Variants in PRKCA observed in about 807,000 individuals in gnomAD.
PRKCA encodes the protein protein kinase C alpha type.
A neutral mutation model predicts 87.0 loss-of-function variants in PRKCA; 27 were observed. That is an observed-to-expected ratio of 0.31 (90% CI 0.23 to 0.43). The LOEUF is 0.43. Among genes scored for constraint, PRKCA ranks in the 20% least tolerant of loss-of-function variants. The pLI is 1.00. For missense variants in PRKCA, 518 were observed against 852.3 expected (o/e 0.61, Z 4.88); for synonymous variants, 329 against 311.1 (o/e 1.06, Z -0.61).
intron 11 of PRKCA, 34 bp from the exon 12 acceptor site, chr17:66,741,625 A>C (rs1436696799): frequency 1.2e-6 from 2 of 1,610,192 alleles, no homozygotes; most frequent in African/African-American, 2.7e-5. Flanking sequence ...CTAAGGAAGC[A>C]AGTGAGAAAC....
At chr17:66,610,318 C>A (rs1970322000) in intron 3 of PRKCA, among the ~76,000 whole-genome samples, 1 of 152,186 alleles carries the variant, frequency 6.6e-6, no homozygotes, top group South Asian at 2.1e-4. Flanking sequence ...GACCCACCAT[C>A]AACAGAGCTT....
chr17:66,326,837 A>G (rs895423772), intron 2 of PRKCA, among the ~76,000 whole-genome samples: 1 of 152,202 alleles, frequency 6.6e-6, no homozygotes, highest in African/African-American at 2.4e-5. Context: ...TTGATAATCT[A>G]AAGTTTGATC....
At chr17:66,580,534 G>T (rs117123705) in intron 3 of PRKCA, among the ~76,000 whole-genome samples, 1 of 152,166 alleles carries the variant, frequency 6.6e-6, no homozygotes, top group Non-Finnish European at 1.5e-5. Context: ...AGGGTTCCAC[G>T]CATTCTTAGC....
intron 8 of PRKCA, among the ~76,000 whole-genome samples, chr17:66,719,132 A>ATAT (rs1973550440): frequency 6.6e-6 from 1 of 152,196 alleles, no homozygotes; most frequent in Admixed American, 6.5e-5. Context: ...GGATGCACAC[A>ATAT]TATTTAGACC....
rs1975952037 is a variant in PRKCA, at chr17:66,803,591, G to A, written c.1855-282G>A. On this transcript the variant is annotated intron_variant, in intron 16 of 16. Transcript: ENST00000413366. The surrounding 1 kb of genome is among the most constrained non-coding windows in gnomAD (Gnocchi z 4.4). ...CGCTTGCTCGGTGAGGTGGACGTGAGGGGACAGGGGCTGTCCCCTTGTTGC... is the reference window on the plus strand; with the variant it reads ...CGCTTGCTCGGTGAGGTGGACGTGAAGGGACAGGGGCTGTCCCCTTGTTGC... Among the ~76,000 whole-genome samples the A allele has an allele frequency of 6.6e-6, 1 of 152,186 alleles. No homozygotes were observed. Among genetic ancestry groups the A allele is most frequent in the Non-Finnish European group, 1.5e-5 (1 of 68,026 alleles).
intron 2 of PRKCA, among the ~76,000 whole-genome samples, chr17:66,432,579 A>T (rs1358399030): frequency 6.6e-6 from 1 of 152,156 alleles, no homozygotes; most frequent in Non-Finnish European, 1.5e-5. Flanking sequence ...TAGGGAGGTC[A>T]TGGGGCTTTT....
chr17:66,460,288 CTTACTA>C (rs541744569), intron 2 of PRKCA, among the ~76,000 whole-genome samples: 313 of 152,198 alleles, frequency 2.1e-3, no homozygotes, highest in African/African-American at 7.2e-3. Context: ...AGTCGTGGTT[CTTACTA>C]TTACTATATG....
intron 3 of PRKCA, among the ~76,000 whole-genome samples, chr17:66,522,087 G>C (rs1177782430): frequency 6.6e-6 from 1 of 152,158 alleles, no homozygotes; most frequent in South Asian, 2.1e-4. Context: ...ACAGAGACAG[G>C]GGTCTTTCTC....
intron 2 of PRKCA, among the ~76,000 whole-genome samples, chr17:66,458,272 A>G (rs1914663715): frequency 6.6e-6 from 1 of 152,204 alleles, no homozygotes; most frequent in African/African-American, 2.4e-5. Context: ...ATGTCAATTA[A>G]TCTGCTTTCT....
At chr17:66,702,118 T>G (rs1425631995) in intron 8 of PRKCA, among the ~76,000 whole-genome samples, 2 of 152,068 alleles carry the variant, frequency 1.3e-5, no homozygotes, top group Non-Finnish European at 2.9e-5. Context: ...CATATCTCAT[T>G]TATGTGTGTG....
At chr17:66,708,228 C>T (rs956763657) in intron 8 of PRKCA, among the ~76,000 whole-genome samples, 6 of 152,174 alleles carry the variant, frequency 3.9e-5, no homozygotes, top group African/African-American at 1.4e-4. Flanking sequence ...TAATTGAAAA[C>T]GAAGTGGTTA....
At chr17:66,708,102 G>A (rs1013549981) in intron 8 of PRKCA, among the ~76,000 whole-genome samples, 2 of 152,118 alleles carry the variant, frequency 1.3e-5, no homozygotes, top group African/African-American at 4.8e-5. Context: ...TAGGACTGTC[G>A]CCATGATGTA....
chr17:66,416,628 G>A (rs540735515), intron 2 of PRKCA: 2 of 152,294 alleles, frequency 1.3e-5, no homozygotes, highest in African/African-American at 4.8e-5. Flanking sequence ...AGTCTCAAGC[G>A]GGTGCTGTTG....
intron 3 of PRKCA, among the ~76,000 whole-genome samples, chr17:66,516,282 G>T (rs989060422): frequency 7.9e-5 from 12 of 152,070 alleles, no homozygotes; most frequent in Non-Finnish European, 1.5e-4. Flanking sequence ...GAGGATAGGG[G>T]ATCAGGTAAG....
chr17:66,781,868 G>GATATATATATATATAT (rs1201713784), intron 14 of PRKCA, among the ~76,000 whole-genome samples: 25 of 99,316 alleles, frequency 2.5e-4, no homozygotes, highest in African/African-American at 9.5e-4. Flanking sequence ...GAGAGAGAGA[G>GATATATATATATATAT]ATATATATAT....
At chr17:66,444,728 G>A (rs1238010842) in intron 2 of PRKCA, among the ~76,000 whole-genome samples, 1 of 152,186 alleles carries the variant, frequency 6.6e-6, no homozygotes, top group African/African-American at 2.4e-5. Context: ...TTGTCTGCCT[G>A]TGTAAGAGTT....
At chr17:66,359,103 A>C (rs1329252542) in intron 2 of PRKCA, among the ~76,000 whole-genome samples, 3 of 152,092 alleles carry the variant, frequency 2.0e-5, no homozygotes, top group Non-Finnish European at 4.4e-5. Context: ...TTATTTGAAA[A>C]TCTAGTGCAA....
chr17:66,570,585 A>T (rs1969050813), intron 3 of PRKCA, among the ~76,000 whole-genome samples: 1 of 152,182 alleles, frequency 6.6e-6, no homozygotes, highest in Non-Finnish European at 1.5e-5. Flanking sequence ...GTAGAGTGAG[A>T]TCGTGATATT....
chr17:66,627,027 A>T (rs900737863), intron 3 of PRKCA, among the ~76,000 whole-genome samples: 7 of 152,210 alleles, frequency 4.6e-5, no homozygotes, highest in African/African-American at 1.7e-4. Flanking sequence ...ATTAAGCTCT[A>T]AAGACTAGAC....
Sources: allele counts gnomAD v4.1 joint callset (sites outside exome capture counted in the v4.1 genomes callset), GRCh38; gene constraint gnomAD v4.1.1; non-coding constraint Gnocchi (gnomAD v3.1); transcripts MANE v1.5; gene names NCBI Gene and HGNC (gene_info 2026-07-23, HGNC 2026-07-21).